CSNK1G3: variants seen among roughly 807,000 people sequenced by gnomAD.
CSNK1G3 encodes the protein casein kinase 1 gamma 3.
A neutral mutation model predicts 64.3 loss-of-function variants in CSNK1G3; 23 were observed. The observed-to-expected ratio is 0.36, with a 90% confidence interval of 0.26 to 0.51. The LOEUF is 0.51. Among genes scored for constraint, CSNK1G3 ranks in the 20% least tolerant of loss-of-function variants. The pLI is 0.96. For missense variants in CSNK1G3, 357 were observed against 510.5 expected (o/e 0.70, Z 2.90); for synonymous variants, 158 against 162.2 (o/e 0.97, Z 0.20).
At chr5:123,571,352 C>T (rs1397921215) in intron 4 of CSNK1G3, among the ~76,000 whole-genome samples, 4 of 151,894 alleles carry the variant, frequency 2.6e-5, no homozygotes, top group Admixed American at 1.3e-4. Flanking sequence ...GGCGCAGTCC[C>T]GGCTCACTGC....
At chr5:123,517,169 T>A (rs983281307) in intron 1 of CSNK1G3, among the ~76,000 whole-genome samples, 2 of 152,178 alleles carry the variant, frequency 1.3e-5, no homozygotes, top group Non-Finnish European at 2.9e-5. Context: ...CTCTCATACC[T>A]GACCTCTGCT....
chr5:123,573,522 T>C, exon 5 of CSNK1G3: 1 of 1,611,568 alleles, frequency 6.2e-7, no homozygotes, highest in Non-Finnish European at 8.5e-7. Context: ...AAAACAGTTC[T>C]CATGATAGCT....
chr5:123,588,042 A>G, intron 6 of CSNK1G3, 26 bp from the exon 7 acceptor site: 1 of 1,423,802 alleles, frequency 7.0e-7, no homozygotes, highest in East Asian at 2.4e-5. Context: ...GAGAAAAGTG[A>G]AATTTATATT....
intron 3 of CSNK1G3, among the ~76,000 whole-genome samples, chr5:123,553,539 TC>T (rs1784080395): frequency 6.6e-6 from 1 of 152,204 alleles, no homozygotes; most frequent in Admixed American, 6.5e-5. Context: ...AAAACATACT[TC>T]CAGGTAGCTT....
chr5:123,521,105 T>C (rs1000573863), intron 1 of CSNK1G3, among the ~76,000 whole-genome samples: 1 of 152,116 alleles, frequency 6.6e-6, no homozygotes, highest in Admixed American at 6.5e-5. Context: ...TAGTATTGTT[T>C]TGGAGATGAA....
intron 1 of CSNK1G3, among the ~76,000 whole-genome samples, chr5:123,538,740 A>G (rs1410301830): frequency 6.6e-6 from 1 of 152,198 alleles, no homozygotes; most frequent in African/African-American, 2.4e-5. Context: ...TAATTTTTTT[A>G]AAAGTTGTTT....
chr5:123,584,727 AG>A (rs1581277308), intron 6 of CSNK1G3, among the ~76,000 whole-genome samples: 1 of 152,152 alleles, frequency 6.6e-6, no homozygotes, highest in East Asian at 1.9e-4. Flanking sequence ...TATTTTGGGA[AG>A]TTTTTAAATA....
intron 3 of CSNK1G3, among the ~76,000 whole-genome samples, chr5:123,557,053 A>G (rs1784780808): frequency 6.6e-6 from 1 of 152,122 alleles, no homozygotes; most frequent in African/African-American, 2.4e-5. Flanking sequence ...GTGAAAAAAA[A>G]TTAAGACATT....
chr5:123,519,008 C>T (rs1777642975), intron 1 of CSNK1G3, among the ~76,000 whole-genome samples: 1 of 152,088 alleles, frequency 6.6e-6, no homozygotes, highest in African/African-American at 2.4e-5. Context: ...GATCTGCCTG[C>T]CTTGGCCTCC....
At chr5:123,595,298 A>G (rs1383745353) in intron 10 of CSNK1G3, among the ~76,000 whole-genome samples, 164 bp downstream of exon 11, 1 of 152,184 alleles carries the variant, frequency 6.6e-6, no homozygotes, top group Non-Finnish European at 1.5e-5. Context: ...AACCAAAATT[A>G]ACGTGGTCTA....
intron 4 of CSNK1G3, among the ~76,000 whole-genome samples, chr5:123,569,801 G>GTGGATGTTC (rs58726787): frequency 0.6 from 91,201 of 151,298 alleles, 28,698 homozygotes; most frequent in African/African-American, 0.79. Flanking sequence ...AAAGTTAAAA[G>GTGGATGTTC]TTCTCTTGCT....
intron 6 of CSNK1G3, among the ~76,000 whole-genome samples, chr5:123,583,763 T>C (rs1164254040): frequency 6.6e-6 from 1 of 152,116 alleles, no homozygotes; most frequent in Admixed American, 6.5e-5. Flanking sequence ...CCCTGCATTG[T>C]CATCCTCCTA....
intron 1 of CSNK1G3, among the ~76,000 whole-genome samples, chr5:123,514,030 A>T (rs1282871835): frequency 6.6e-6 from 1 of 152,224 alleles, no homozygotes; most frequent in Non-Finnish European, 1.5e-5. Flanking sequence ...AATTACCTTT[A>T]TGGACATTGG....
At chr5:123,528,537 T>TGA (rs1186916861) in intron 1 of CSNK1G3, among the ~76,000 whole-genome samples, 3 of 152,116 alleles carry the variant, frequency 2.0e-5, no homozygotes, top group Admixed American at 1.3e-4. Context: ...GGTTAAAGAG[T>TGA]GAAAACATTG....
chr5:123,599,382 G>C (rs1196360728), intron 10 of CSNK1G3, among the ~76,000 whole-genome samples: 1 of 152,162 alleles, frequency 6.6e-6, no homozygotes, highest in African/African-American at 2.4e-5. Flanking sequence ...GTGCAACCAG[G>C]CATTGTTGAG....
intron 10 of CSNK1G3, among the ~76,000 whole-genome samples, chr5:123,600,624 CAA>C (rs561994777): frequency 2.0e-4 from 17 of 84,152 alleles, no homozygotes; most frequent in Non-Finnish European, 1.5e-4. Flanking sequence ...GATGCCATTT[CAA>C]AAAAAAAAAA....
chr5:123,583,857 A>G (rs1325496212), intron 6 of CSNK1G3, among the ~76,000 whole-genome samples: 1 of 151,874 alleles, frequency 6.6e-6, no homozygotes, highest in Non-Finnish European at 1.5e-5. Flanking sequence ...CAGCTAATTA[A>G]AAAAAATTTT....
In CSNK1G3 at chr5:123,588,310, C is replaced by T. The variant is rs1044951613; in HGVS notation, c.760-117C>T. 9.5e-6 allele frequency: 10 copies of T among 1,050,586 alleles called. No homozygotes were observed. In the African/African-American group the frequency reaches 1.4e-4, roughly 15 times the overall value. The allele number at this position is 1,050,586 out of a possible 1,614,324, so 65.1% of individuals were successfully genotyped here. On this transcript the variant is annotated intron_variant, in intron 7 of 12. Coordinates refer to ENST00000345990, the Ensembl canonical transcript of CSNK1G3. ...CAGGCTGGTCTCAAACTCCTGGGCT[C>T]AAGCATTCCTTCTGCCTTGGCCTTC...
At chr5:123,557,784 A>G (rs2150419223) in intron 4 of CSNK1G3, among the ~76,000 whole-genome samples, 1 of 152,232 alleles carries the variant, frequency 6.6e-6, no homozygotes, top group Admixed American at 6.5e-5. Context: ...TTGTGAAAAA[A>G]TTTAATTTGC....
Sources: allele counts gnomAD v4.1 joint callset (sites outside exome capture counted in the v4.1 genomes callset), GRCh38; gene constraint gnomAD v4.1.1; transcripts MANE v1.5; gene names NCBI Gene and HGNC (gene_info 2026-07-23, HGNC 2026-07-21).